The following WDR59 variants were observed in gnomAD, a reference collection of about 807,000 sequenced individuals.
WDR59 encodes the protein WD repeat domain 59.
Under a neutral mutation model 131.2 loss-of-function variants are expected in WDR59, and 100 were observed. The ratio of observed to expected loss-of-function variants is 0.76; its 90% confidence interval spans 0.65 to 0.90. The LOEUF is 0.90. WDR59 is among the 40% of genes least tolerant of loss of function. The pLI is 0.00. For synonymous variants in WDR59, 601 were observed against 466.2 expected (o/e 1.29, Z -3.72); for missense variants, 1,203 against 1,262.2 (o/e 0.95, Z 0.71).
intron 25 of WDR59, 97 bp downstream of exon 25, chr16:74,885,556 G>A (rs187224283): frequency 7.4e-7 from 1 of 1,348,118 alleles, no homozygotes. Context: ...GCTTAGAAAT[G>A]AGAAGCTGAA....
Position 74,888,221 on chromosome 16 carries a change from A to T in WDR59, c.2294T>A (p.Phe765Tyr). 6.2e-7 allele frequency: 1 copy of T among 1,614,138 alleles called. No individual in the cohort carries two copies. The highest frequency in any genetic ancestry group is 8.5e-7 in the Non-Finnish European group (1 of 1,180,006). Reference sequence around the variant, plus strand: ...AGAAGAACGGTTAGGAAAAGGCCCAAAGGGGTTTGGTAGCCCCTGAGGCCG... The same window carrying T: ...AGAAGAACGGTTAGGAAAAGGCCCATAGGGGTTTGGTAGCCCCTGAGGCCG... ...QSRPQGLPNP[F>Y]GPFPNRSSNL... Residue 765 changes from phenylalanine to tyrosine, a missense_variant, in exon 22 of 26, where the codon TTT becomes TAT. Physicochemically the swap from Phe to Tyr is conservative, Grantham distance 22 (BLOSUM62 3). Transcript: ENST00000262144.
intron 8 of WDR59, among the ~76,000 whole-genome samples, chr16:74,935,731 A>C (rs913346818): frequency 4.2e-4 from 64 of 152,246 alleles, no homozygotes; most frequent in Non-Finnish European, 8.1e-4. Flanking sequence ...ACATACATTC[A>C]ATAAAAATTG....
chr16:74,884,313 C>T (rs996433587), intron 25 of WDR59, among the ~76,000 whole-genome samples: 2 of 152,204 alleles, frequency 1.3e-5, no homozygotes, highest in African/African-American at 4.8e-5. Flanking sequence ...ACTTCTTATG[C>T]CCTTGGAAGC....
chr16:74,883,132 C>T (rs536937819), intron 25 of WDR59, among the ~76,000 whole-genome samples: 1 of 150,462 alleles, frequency 6.6e-6, no homozygotes, highest in Non-Finnish European at 1.5e-5. Context: ...TCAAGTGATC[C>T]TCCTGCCTCA....
At chr16:74,899,812 A>G in intron 18 of WDR59, 1 of 1,175,696 alleles carries the variant, frequency 8.5e-7, no homozygotes, top group South Asian at 1.3e-5. Flanking sequence ...GAAAATTAAA[A>G]GGGAAAAATA....
At chr16:74,878,946 C>A (rs1964348372) in intron 25 of WDR59, among the ~76,000 whole-genome samples, 1 of 152,138 alleles carries the variant, frequency 6.6e-6, no homozygotes, top group Admixed American at 6.6e-5. Context: ...AACTATAGGC[C>A]AGAAATAGAA....
chr16:74,909,002 C>T, intron 16 of WDR59, 25 bp from the exon 17 acceptor site: 5 of 1,603,616 alleles, frequency 3.1e-6, no homozygotes, highest in Non-Finnish European at 4.3e-6. Flanking sequence ...ATCACATGAG[C>T]CATCAGTGTC....
At chr16:74,939,805 C>T (rs958549692) in intron 7 of WDR59, among the ~76,000 whole-genome samples, 4 of 151,768 alleles carry the variant, frequency 2.6e-5, no homozygotes, top group Non-Finnish European at 5.9e-5. Context: ...CTGGGCAACA[C>T]AGTAAGATTC....
At position 74,889,596 on chromosome 16, in the gene WDR59, C is replaced by A. The variant is rs909364528; in HGVS notation, c.2195+107G>T. On this transcript the variant is annotated intron_variant, in intron 21 of 25. Transcript: ENST00000262144. ...AAGGAAAGATCCTACTCCTTCCTTT[C>A]ATTCCTCGGGCCTCTGCACCTTTCT... 9 of 809,184 alleles carry A rather than the reference C, an allele frequency of 1.1e-5. No homozygotes were observed. The African/African-American group carries it at 1.2e-4, about 11-fold the overall frequency. The allele number at this position is 809,184 out of a possible 1,614,324, so 50.1% of individuals were successfully genotyped here.
chr16:74,960,753 T>TAAAAAAAA (rs59914217), intron 2 of WDR59, among the ~76,000 whole-genome samples: 1 of 118,716 alleles, frequency 8.4e-6, no homozygotes, highest in Non-Finnish European at 1.8e-5. Flanking sequence ...GTCTCAAAAA[T>TAAAAAAAA]AAAAAAAAAA....
intron 8 of WDR59, among the ~76,000 whole-genome samples, chr16:74,927,977 G>A (rs1159112028): frequency 1.4e-5 from 2 of 140,714 alleles, no homozygotes; most frequent in South Asian, 2.3e-4. Context: ...GCGCGATCTC[G>A]GCTCACTGCA....
At chr16:74,895,847 G>C (rs1965272917) in intron 18 of WDR59, among the ~76,000 whole-genome samples, 2 of 152,308 alleles carry the variant, frequency 1.3e-5, no homozygotes, top group South Asian at 4.1e-4. Context: ...GACAGACGTA[G>C]TCACATGTGC....
chr16:74,962,028 A>T (rs1384994857), intron 2 of WDR59, among the ~76,000 whole-genome samples: 2 of 152,166 alleles, frequency 1.3e-5, no homozygotes, highest in Non-Finnish European at 2.9e-5. Flanking sequence ...TTCTTCCAGC[A>T]CCACTTGTTA....
chr16:74,934,760 C>T (rs1206895179), intron 8 of WDR59, among the ~76,000 whole-genome samples: 2 of 151,566 alleles, frequency 1.3e-5, no homozygotes, highest in African/African-American at 2.4e-5. Context: ...CCAGCCTGGG[C>T]AAGACAGTGA....
chr16:74,948,157 A>G (rs2032764773), intron 6 of WDR59, among the ~76,000 whole-genome samples: 2 of 152,208 alleles, frequency 1.3e-5, no homozygotes, highest in Non-Finnish European at 2.9e-5. Flanking sequence ...ATGTATGATG[A>G]CAAGTGTTGA....
At chr16:74,938,333 GT>G (rs1352827561) in intron 7 of WDR59, 67 bp from the exon 8 acceptor site, 2 of 1,126,798 alleles carry the variant, frequency 1.8e-6, no homozygotes, top group Non-Finnish European at 2.4e-6. Flanking sequence ...TCACGTAAAA[GT>G]CTGCTAGGTA....
At chr16:74,941,585 T>C (rs189431928) in intron 7 of WDR59, among the ~76,000 whole-genome samples, 4,884 of 151,178 alleles carry the variant, frequency 0.032, 132 homozygotes, top group Non-Finnish European at 0.045. Flanking sequence ...TCCCAGCTAC[T>C]GGGGAGGCTG....
At position 74,871,514 on chromosome 16, in the gene WDR59, G is replaced by T. The variant is rs553819851; in HGVS notation, c.*2695C>A. ...TTCAAAAGGAATTTCCGTATTGAAGGATGACATTATGTAATATTTTAAACT... is the reference window on the plus strand; with the variant it reads ...TTCAAAAGGAATTTCCGTATTGAAGTATGACATTATGTAATATTTTAAACT... On this transcript the variant is annotated 3_prime_UTR_variant, in exon 26 of 26. Transcript: ENST00000262144. 1 of 152,254 alleles carries T rather than the reference G, an allele frequency of 6.6e-6. No individual in the cohort carries two copies. Among genetic ancestry groups the T allele is most frequent in the East Asian group, 1.9e-4 (1 of 5,182 alleles). The allele number at this position is 152,254 out of a possible 1,614,324, so 9.4% of individuals were successfully genotyped here.
At chr16:74,945,427 A>G (rs2145113388) in intron 6 of WDR59, among the ~76,000 whole-genome samples, 2 of 151,974 alleles carry the variant, frequency 1.3e-5, no homozygotes, top group East Asian at 3.9e-4. Flanking sequence ...CGGTGAGCTG[A>G]GATCATGCCA....
Sources: gnomAD v4.1 joint callset for allele counts (sites outside exome capture counted in the v4.1 genomes callset) on GRCh38, gnomAD v4.1.1 for gene constraint, MANE v1.5 for transcripts, NCBI Gene and HGNC (gene_info 2026-07-23, HGNC 2026-07-21) for gene names.